The following RIMS2 variants were observed in gnomAD, a reference collection of about 807,000 sequenced individuals.
RIMS2 encodes regulating synaptic membrane exocytosis protein 2.
A neutral mutation model predicts 174.4 loss-of-function variants in RIMS2; 59 were observed. That is an observed-to-expected ratio of 0.34 (90% CI 0.27 to 0.42). The LOEUF (loss-of-function observed/expected upper bound fraction) is 0.42, where lower values mean the gene tolerates loss of function less well. Ranked by LOEUF, RIMS2 falls within the 10% of genes least tolerant of loss-of-function variation. The pLI is 1.00. For missense variants in RIMS2, 1,620 were observed against 1,666.3 expected (o/e 0.97, Z 0.48); for synonymous variants, 606 against 572.5 (o/e 1.06, Z -0.84).
chr8:103,581,440 A>G (rs540707848), intron 1 of RIMS2, among the ~76,000 whole-genome samples: 1 of 152,276 alleles, frequency 6.6e-6, no homozygotes, highest in South Asian at 2.1e-4. Flanking sequence ...TATGCCAAAG[A>G]CCCTCAACAC....
chr8:103,690,205 C>T (rs562837674), intron 1 of RIMS2, among the ~76,000 whole-genome samples: 4 of 152,206 alleles, frequency 2.6e-5, no homozygotes, highest in South Asian at 4.2e-4. Flanking sequence ...CTCAAGTGGT[C>T]CCCCCACCTC....
At chr8:104,049,566 A>G (rs1418942592) in intron 19 of RIMS2, among the ~76,000 whole-genome samples, 3 of 152,218 alleles carry the variant, frequency 2.0e-5, no homozygotes, top group East Asian at 1.9e-4. Context: ...TAGAAGGCCA[A>G]TGCGATCTTG....
At chr8:103,637,739 A>G (rs887436339) in intron 1 of RIMS2, among the ~76,000 whole-genome samples, 1 of 152,228 alleles carries the variant, frequency 6.6e-6, no homozygotes, top group Non-Finnish European at 1.5e-5. Flanking sequence ...GTACAATACT[A>G]TTAAATAACT....
intron 19 of RIMS2, among the ~76,000 whole-genome samples, chr8:104,084,903 G>A (rs1029932382): frequency 6.6e-6 from 1 of 152,138 alleles, no homozygotes; most frequent in Admixed American, 6.5e-5. Context: ...CTAGTAAGTG[G>A]AAGAGCAGTT....
intron 19 of RIMS2, chr8:104,015,490 A>G (rs925200556): frequency 3.0e-6 from 2 of 659,232 alleles, no homozygotes; most frequent in African/African-American, 3.6e-5. Flanking sequence ...TTTTGTGCTA[A>G]CAGCCTTTTT....
At chr8:103,834,444 C>G (rs1390425061) in intron 3 of RIMS2, among the ~76,000 whole-genome samples, 3 of 150,472 alleles carry the variant, frequency 2.0e-5, no homozygotes, top group South Asian at 4.2e-4. Context: ...TGAAGGAATC[C>G]TCCTGCCACG....
chr8:103,600,108 C>T (rs767919057), intron 1 of RIMS2, among the ~76,000 whole-genome samples: 1 of 152,018 alleles, frequency 6.6e-6, no homozygotes, highest in Admixed American at 6.6e-5. Flanking sequence ...TTTTACTTCC[C>T]ACAAATTTTT....
At chr8:103,916,264 G>T (rs568020117) in intron 7 of RIMS2, 150 bp from the exon 11 acceptor site, 4 of 466,658 alleles carry the variant, frequency 8.6e-6, no homozygotes, top group African/African-American at 6.0e-5. Flanking sequence ...ATCAAATTTT[G>T]TGTCACTGGA....
intron 19 of RIMS2, among the ~76,000 whole-genome samples, chr8:104,131,239 G>A (rs1023119358): frequency 4.6e-5 from 7 of 152,220 alleles, no homozygotes; most frequent in African/African-American, 9.6e-5. Flanking sequence ...AGCTATTAGC[G>A]TTGTTATTAA....
At chr8:103,554,810 T>A (rs1321314634) in intron 1 of RIMS2, among the ~76,000 whole-genome samples, 1 of 152,064 alleles carries the variant, frequency 6.6e-6, no homozygotes, top group Non-Finnish European at 1.5e-5. Context: ...GTAGACTGAA[T>A]AAAGGAAATG....
intron 2 of RIMS2, among the ~76,000 whole-genome samples, chr8:103,711,761 G>A (rs1347632274): frequency 6.6e-6 from 1 of 152,024 alleles, no homozygotes; most frequent in Non-Finnish European, 1.5e-5. Context: ...GCTAGGCGTG[G>A]TGGTGAGTGC....
intron 19 of RIMS2, among the ~76,000 whole-genome samples, chr8:104,072,921 AG>A (rs1756653209): frequency 6.6e-6 from 1 of 152,172 alleles, no homozygotes; most frequent in South Asian, 2.1e-4. Flanking sequence ...CTAGTTAATC[AG>A]TGGATGATTT....
In RIMS2 at chr8:104,222,539, G is replaced by A. The variant is rs75863636; in HGVS notation, c.3335-22377G>A. On this transcript the variant is annotated intron_variant, in intron 19 of 23. Transcript: ENST00000504942. ...CCACTTCCCTAGATTGGGAAACAGAGGTGGGATGACTTGTCTCAGATTACA... is the reference window on the plus strand; with the variant it reads ...CCACTTCCCTAGATTGGGAAACAGAAGTGGGATGACTTGTCTCAGATTACA... Among the ~76,000 whole-genome samples the A allele has an allele frequency of 1.4e-4, 21 of 152,294 alleles. No individual in the cohort carries two copies. In the East Asian group the frequency reaches 2.5e-3, roughly 18 times the overall value.
intron 13 of RIMS2, among the ~76,000 whole-genome samples, chr8:103,942,026 T>C (rs562807310): frequency 6.6e-6 from 1 of 152,316 alleles, no homozygotes; most frequent in African/African-American, 2.4e-5. Context: ...CAGGGATACA[T>C]GTGGAGGTTT....
intron 1 of RIMS2, among the ~76,000 whole-genome samples, chr8:103,659,875 C>T (rs900746062): frequency 7.2e-5 from 11 of 152,228 alleles, no homozygotes. Flanking sequence ...GACCAAAATG[C>T]TGCTTCGAGT....
At chr8:103,971,679 C>CCGGGAGTAGCTTGAA in intron 15 of RIMS2, among the ~76,000 whole-genome samples, 1 of 151,910 alleles carries the variant, frequency 6.6e-6, no homozygotes, top group East Asian at 1.9e-4. Flanking sequence ...TCAAGCAATG[C>CCGGGAGTAGCTTGAA]GTCTGCCTCA....
At chr8:103,877,615 T>G (rs752092671) in intron 3 of RIMS2, among the ~76,000 whole-genome samples, 8 of 151,838 alleles carry the variant, frequency 5.3e-5, no homozygotes, top group Non-Finnish European at 1.0e-4. Flanking sequence ...CAAATCCCAT[T>G]CTGTTTTATT....
At chr8:104,095,877 C>T (rs2097754464) in intron 19 of RIMS2, among the ~76,000 whole-genome samples, 1 of 152,042 alleles carries the variant, frequency 6.6e-6, no homozygotes, top group African/African-American at 2.4e-5. Flanking sequence ...ATTGAGTATA[C>T]AATTCAGTGA....
At chr8:103,752,822 G>T in intron 2 of RIMS2, among the ~76,000 whole-genome samples, 1 of 152,106 alleles carries the variant, frequency 6.6e-6, no homozygotes, top group Non-Finnish European at 1.5e-5. Flanking sequence ...ATCAGCTTAA[G>T]GAGATTTTGG....
Sources: allele counts gnomAD v4.1 joint callset (sites outside exome capture counted in the v4.1 genomes callset), GRCh38; gene constraint gnomAD v4.1.1; transcripts MANE v1.5; gene names NCBI Gene and HGNC (gene_info 2026-07-23, HGNC 2026-07-21).